The following GALNT13 variants were observed in gnomAD, a reference collection of about 807,000 sequenced individuals.
The protein encoded by GALNT13 is UDP-GalNAc:polypeptide N-acetylgalactosaminyltransferase 13.
In GALNT13, 28 loss-of-function variants were observed where a neutral mutation model predicts 64.2. The observed-to-expected ratio is 0.44, with a 90% CI of 0.32 to 0.60. The LOEUF is 0.60. Among genes scored for constraint, GALNT13 ranks in the 20% least tolerant of loss-of-function variants. The probability of loss-of-function intolerance (pLI) is 0.05; values close to 1 mark genes in which losing one functional copy is unlikely to be tolerated. For synonymous variants in GALNT13, 214 were observed against 224.6 expected (o/e 0.95, Z 0.42); for missense variants, 577 against 669.8 (o/e 0.86, Z 1.53).
chr2:153,848,252 T>C, the GALNT13 span, among the ~76,000 whole-genome samples: 1 of 152,136 alleles, frequency 6.6e-6, no homozygotes, highest in Admixed American at 6.5e-5. Context: ...TAGTGCCCTG[T>C]GGGTAATTCT....
chr2:153,572,207 T>C, the GALNT13 span, among the ~76,000 whole-genome samples: 1 of 151,822 alleles, frequency 6.6e-6, no homozygotes, highest in South Asian at 2.1e-4. Flanking sequence ...CTAATTCTCA[T>C]TGATTTTCCA....
intron 3 of GALNT13, among the ~76,000 whole-genome samples, chr2:154,055,322 A>G (rs1699842561): frequency 6.6e-6 from 1 of 152,004 alleles, no homozygotes; most frequent in Non-Finnish European, 1.5e-5. Context: ...TTGAATCAGT[A>G]TTGCTCATAA....
At chr2:153,744,605 A>C in the GALNT13 span, among the ~76,000 whole-genome samples, 5 of 152,148 alleles carry the variant, frequency 3.3e-5, no homozygotes, top group Non-Finnish European at 5.9e-5. Context: ...AGTGGGCAAG[A>C]TTTGGTAAAC....
chr2:154,301,115 A>T (rs1464450977), intron 8 of GALNT13, among the ~76,000 whole-genome samples: 5 of 152,168 alleles, frequency 3.3e-5, no homozygotes, highest in African/African-American at 1.2e-4. Context: ...TGGGTACCAA[A>T]TCTACTAACT....
the GALNT13 span, among the ~76,000 whole-genome samples, chr2:153,519,638 A>G: frequency 1.3e-5 from 2 of 152,090 alleles, no homozygotes; most frequent in Non-Finnish European, 2.9e-5. Flanking sequence ...TTGCTAGCTC[A>G]CTTTTGCTAT....
chr2:153,313,560 G>T, the GALNT13 span, among the ~76,000 whole-genome samples: 1 of 151,986 alleles, frequency 6.6e-6, no homozygotes, highest in African/African-American at 2.4e-5. Context: ...TGGCGGGGTG[G>T]GAGAAGGGAG....
the GALNT13 span, among the ~76,000 whole-genome samples, chr2:153,092,556 T>G: frequency 6.6e-6 from 1 of 151,944 alleles, no homozygotes; most frequent in African/African-American, 2.4e-5. Context: ...GATATTTTAT[T>G]TCTTTAGTTA....
intron 12 of GALNT13, among the ~76,000 whole-genome samples, chr2:154,440,731 C>T (rs1344210863): frequency 5.3e-5 from 8 of 152,154 alleles, no homozygotes; most frequent in South Asian, 2.1e-4. Context: ...GTGATGTTTA[C>T]ATTGTCTAAT....
the GALNT13 span, among the ~76,000 whole-genome samples, chr2:153,521,427 A>G: frequency 1.3e-5 from 2 of 152,232 alleles, no homozygotes; most frequent in Non-Finnish European, 2.9e-5. Context: ...TTAAGAGGGA[A>G]GTACAGAGAT....
At chr2:153,168,446 G>A in the GALNT13 span, among the ~76,000 whole-genome samples, 8 of 152,014 alleles carry the variant, frequency 5.3e-5, no homozygotes. Context: ...ATATATTTGT[G>A]GTACACAAAA....
the GALNT13 span, among the ~76,000 whole-genome samples, chr2:153,386,356 TAC>T: frequency 3.9e-5 from 6 of 152,054 alleles, no homozygotes; most frequent in African/African-American, 1.4e-4. Flanking sequence ...CCGACTGTTA[TAC>T]AGAGTCTAGT....
intron 4 of GALNT13, among the ~76,000 whole-genome samples, chr2:154,237,221 A>G (rs74685279): frequency 0.023 from 3,547 of 152,000 alleles, 121 homozygotes; most frequent in African/African-American, 0.073. Flanking sequence ...ACTCTGCAGC[A>G]TATACCAAAG....
At chr2:153,826,268 C>T in the GALNT13 span, among the ~76,000 whole-genome samples, 3 of 152,092 alleles carry the variant, frequency 2.0e-5, no homozygotes, top group Non-Finnish European at 4.4e-5. Flanking sequence ...TATAAATCCA[C>T]CAATCCTACT....
intron 3 of GALNT13, among the ~76,000 whole-genome samples, chr2:153,959,968 T>C (rs914045027): frequency 2.6e-5 from 4 of 151,946 alleles, no homozygotes; most frequent in African/African-American, 9.7e-5. Context: ...GCTGCCACAG[T>C]GGGAGGGGCC....
At chr2:154,136,218 C>A (rs1173350135) in intron 3 of GALNT13, among the ~76,000 whole-genome samples, 1 of 152,062 alleles carries the variant, frequency 6.6e-6, no homozygotes, top group Non-Finnish European at 1.5e-5. Context: ...CTGAGTAGAT[C>A]TAAGACTAGA....
the GALNT13 span, among the ~76,000 whole-genome samples, chr2:153,307,732 T>C: frequency 6.6e-6 from 1 of 152,066 alleles, no homozygotes; most frequent in Non-Finnish European, 1.5e-5. Flanking sequence ...GGTGAGATCA[T>C]AGATTTTTTT....
At chr2:154,446,744 C>T (rs1328033518) in intron 12 of GALNT13, 2 of 1,531,368 alleles carry the variant, frequency 1.3e-6, no homozygotes, top group Admixed American at 2.1e-5. Context: ...CTACTGATTA[C>T]ATTCTCTAAT....
At chr2:153,718,078 CA>C in the GALNT13 span, among the ~76,000 whole-genome samples, 25 of 151,182 alleles carry the variant, frequency 1.7e-4, 1 homozygote, top group South Asian at 4.4e-3. Context: ...TTAACGATGT[CA>C]AAAAAAGATT....
the GALNT13 span, among the ~76,000 whole-genome samples, chr2:153,637,859 A>G: frequency 1.3e-5 from 2 of 152,194 alleles, no homozygotes; most frequent in Non-Finnish European, 2.9e-5. Context: ...CCGTCATTCA[A>G]TACGAATTGG....
Sources: gnomAD v4.1 joint callset for allele counts (sites outside exome capture counted in the v4.1 genomes callset) on GRCh38, gnomAD v4.1.1 for gene constraint, MANE v1.5 for transcripts, NCBI Gene and HGNC (gene_info 2026-07-23, HGNC 2026-07-21) for gene names.